Variants in RAB5C observed in about 807,000 individuals in gnomAD.
RAB5C encodes the protein RAB5C, member RAS oncogene family, also known as ras-related protein Rab-5C.
RAB5C carries 4 observed loss-of-function variants against 25.2 expected under a neutral mutation model. That is an observed-to-expected ratio of 0.16 (90% CI 0.08 to 0.36). The LOEUF (loss-of-function observed/expected upper bound fraction) is 0.36, where lower values mean the gene tolerates loss of function less well. RAB5C is among the 10% of genes least tolerant of loss of function. The pLI, the probability that RAB5C is intolerant of heterozygous loss-of-function variation, is 1.00. For synonymous variants in RAB5C, 100 were observed against 106.4 expected, an observed-to-expected ratio of 0.94 and a Z score of 0.37; for missense variants, 199 against 283.8, an observed-to-expected ratio of 0.70 and a Z score of 2.15.
intron 1 of RAB5C, among the ~76,000 whole-genome samples, chr17:42,134,532 G>A (rs1043384114): frequency 6.6e-6 from 1 of 152,070 alleles, no homozygotes; most frequent in Non-Finnish European, 1.5e-5. Flanking sequence ...AGCTGAGATC[G>A]CGCCATTGCA....
chr17:42,128,211 G>C (rs754545754), intron 4 of RAB5C, 50 bp downstream of exon 4: 3 of 1,574,102 alleles, frequency 1.9e-6, no homozygotes, highest in East Asian at 2.3e-5. Flanking sequence ...AGGCGAGGCC[G>C]GGGGGAGCTG....
intron 1 of RAB5C, among the ~76,000 whole-genome samples, chr17:42,131,403 G>A (rs549926385): frequency 6.7e-6 from 1 of 149,818 alleles, no homozygotes; most frequent in East Asian, 2.0e-4. Flanking sequence ...AACACACACA[G>A]AAACACACAC....
chr17:42,128,592 A>G, intron 3 of RAB5C, 57 bp downstream of exon 3: 2 of 1,344,484 alleles, frequency 1.5e-6, no homozygotes, highest in South Asian at 1.7e-5. Flanking sequence ...TGATAACCCA[A>G]TCCCTGGGAC....
At chr17:42,153,623 G>C (rs986353764) in intron 1 of RAB5C, among the ~76,000 whole-genome samples, 1 of 152,076 alleles carries the variant, frequency 6.6e-6, no homozygotes, top group Non-Finnish European at 1.5e-5. Context: ...ACGGCTTTCC[G>C]TCCCTTCCTC....
intron 1 of RAB5C, among the ~76,000 whole-genome samples, chr17:42,140,981 A>C (rs1187008950): frequency 3.3e-5 from 5 of 151,730 alleles, no homozygotes; most frequent in Non-Finnish European, 7.4e-5. Flanking sequence ...GGCGCATGCC[A>C]CCATGCCCAG....
intron 1 of RAB5C, among the ~76,000 whole-genome samples, chr17:42,133,346 G>C (rs1033524123): frequency 1.3e-5 from 2 of 152,126 alleles, no homozygotes; most frequent in Admixed American, 6.5e-5. Context: ...TTAGGGTACC[G>C]AGCTGGGAAG....
chr17:42,147,577 GGA>G (rs1375271357), intron 1 of RAB5C, among the ~76,000 whole-genome samples: 1 of 152,182 alleles, frequency 6.6e-6, no homozygotes, highest in African/African-American at 2.4e-5. Context: ...ATGGAGATTT[GGA>G]GAGTCTTAAC....
At position 42,147,444 on chromosome 17, in the gene RAB5C, C is replaced by T. The variant is rs919155418; in HGVS notation, c.-89+7449G>A. Among the ~76,000 whole-genome samples the T allele has an allele frequency of 2.0e-4, 30 of 152,378 alleles. 1 individual carries two copies. Among genetic ancestry groups the T allele is most frequent in the Admixed American group, 1.1e-3 (17 of 15,308 alleles). ...CTGGGGTCGGTGCTGCCTCACCACA[C>T]ACAACTGCAGAAGCACGGTCGTTCT... On this transcript the variant is annotated intron_variant, in intron 1 of 5. Transcript: ENST00000346213.
chr17:42,144,194 C>T (rs1006855029), intron 1 of RAB5C, among the ~76,000 whole-genome samples: 2 of 152,124 alleles, frequency 1.3e-5, no homozygotes, highest in African/African-American at 2.4e-5. Flanking sequence ...CAGTGGCTCA[C>T]GCCTGTAATC....
intron 1 of RAB5C, among the ~76,000 whole-genome samples, chr17:42,153,320 G>A (rs1172816924): frequency 2.0e-5 from 3 of 152,126 alleles, no homozygotes; most frequent in Non-Finnish European, 4.4e-5. Context: ...AGGAGGCTGA[G>A]GCAAGAGAAC....
intron 1 of RAB5C, among the ~76,000 whole-genome samples, chr17:42,146,097 G>A (rs553407692): frequency 2.0e-5 from 3 of 152,082 alleles, no homozygotes; most frequent in South Asian, 4.1e-4. Context: ...GTGAGTCACC[G>A]CGCCTGGCCG....
At chr17:42,149,810 C>G (rs1451429631) in intron 1 of RAB5C, among the ~76,000 whole-genome samples, 3 of 150,692 alleles carry the variant, frequency 2.0e-5, no homozygotes, top group African/African-American at 7.3e-5. Flanking sequence ...AAGCAATGTA[C>G]AAGGCATCCC....
intron 2 of RAB5C, among the ~76,000 whole-genome samples, chr17:42,129,283 A>G (rs2054462084): frequency 6.6e-6 from 1 of 152,114 alleles, no homozygotes; most frequent in Non-Finnish European, 1.5e-5. Flanking sequence ...ACACTTAGCT[A>G]TGCTGGGGAA....
rs782698188 is a variant in RAB5C at position 42,125,747 on chromosome 17, C to G, written c.*36G>C. 6.8e-7 allele frequency: 1 copy of G among 1,461,178 alleles called. No homozygotes were observed. The highest frequency in any genetic ancestry group is 1.4e-5 in the African/African-American group (1 of 71,878). The allele number at this position is 1,461,178 out of a possible 1,614,324, so 90.5% of individuals were successfully genotyped here. On this transcript the variant is annotated 3_prime_UTR_variant, in exon 6 of 6. Transcript: ENST00000346213. ...GTGGATTCCAGTCGGGTCATTCAGG[C>G]GGAGGAGGCGGGGGCAGCGGGCAGG...
chr17:42,131,338 C>A (rs2144067447), intron 1 of RAB5C, among the ~76,000 whole-genome samples: 1 of 152,112 alleles, frequency 6.6e-6, no homozygotes, highest in African/African-American at 2.4e-5. Flanking sequence ...CATTAAAAAA[C>A]AAAACACACA....
At chr17:42,126,713 C>T (rs749219600) in intron 5 of RAB5C, 42 bp downstream of exon 5, 6 of 1,340,160 alleles carry the variant, frequency 4.5e-6, no homozygotes, top group Non-Finnish European at 5.3e-6. Context: ...GGTGATATGC[C>T]CTTGCTGTGG....
intron 1 of RAB5C, among the ~76,000 whole-genome samples, chr17:42,134,418 AT>A (rs1568020444): frequency 6.6e-6 from 1 of 152,146 alleles, no homozygotes; most frequent in African/African-American, 2.4e-5. Flanking sequence ...GTCAAAGTTG[AT>A]TTTTTTAAAT....
In RAB5C at chr17:42,130,529, G is replaced by C. The variant is rs777485845; in HGVS notation, c.-27C>G. 2.5e-6 allele frequency: 4 copies of C among 1,613,214 alleles called. No homozygotes were observed. In the South Asian group the frequency reaches 3.3e-5, roughly 13 times the overall value. ...GCCCGTCCAGCTGTAGTGGTCCAGA[G>C]AGCGTGCGGGTGGGGACTGGTGCTA... On this transcript the variant is annotated 5_prime_UTR_variant, in exon 2 of 6. Transcript: ENST00000346213.
intron 1 of RAB5C, among the ~76,000 whole-genome samples, chr17:42,151,766 T>A (rs922202085): frequency 2.6e-5 from 4 of 151,952 alleles, no homozygotes; most frequent in Non-Finnish European, 5.9e-5. Context: ...CCCTGAAGAG[T>A]ACTGACTTGG....
Sources: gnomAD v4.1 joint callset for allele counts (sites outside exome capture counted in the v4.1 genomes callset) on GRCh38, gnomAD v4.1.1 for gene constraint, MANE v1.5 for transcripts, NCBI Gene and HGNC (gene_info 2026-07-23, HGNC 2026-07-21) for gene names.